The following ADAM12 variants were observed in gnomAD, a reference collection of about 807,000 sequenced individuals.
ADAM12 encodes the protein ADAM metallopeptidase domain 12.
ADAM12 carries 70 observed loss-of-function variants against 106.4 expected under a neutral mutation model. That is an observed-to-expected ratio of 0.66 (90% CI 0.54 to 0.80). The LOEUF is 0.80. Ranked by LOEUF, ADAM12 falls within the 30% of genes least tolerant of loss-of-function variation. ADAM12 has a pLI of 0.00. For synonymous variants in ADAM12, 420 were observed against 433.5 expected (o/e 0.97, Z 0.39); for missense variants, 1,010 against 1,171.9 (o/e 0.86, Z 2.02).
At chr10:126,079,947 G>C (rs920497930) in intron 11 of ADAM12, among the ~76,000 whole-genome samples, 9 of 152,162 alleles carry the variant, frequency 5.9e-5, no homozygotes, top group Non-Finnish European at 1.0e-4. Flanking sequence ...CTACTGATCT[G>C]ATTTTAGGCA....
At chr10:126,217,943 C>G (rs906477089) in intron 3 of ADAM12, among the ~76,000 whole-genome samples, 1 of 151,072 alleles carries the variant, frequency 6.6e-6, no homozygotes, top group Non-Finnish European at 1.5e-5. Flanking sequence ...TCACTGCACT[C>G]CAGCCTGGGT....
chr10:126,123,314 G>A (rs12267412), intron 5 of ADAM12, among the ~76,000 whole-genome samples: 5,663 of 152,278 alleles, frequency 0.037, 230 homozygotes, highest in East Asian at 0.15. Context: ...ATATTTAGTT[G>A]TAAACCTGAA....
intron 11 of ADAM12, among the ~76,000 whole-genome samples, chr10:126,080,211 C>T (rs927512670): frequency 3.3e-5 from 5 of 152,162 alleles, no homozygotes. Flanking sequence ...TTCCCCGGAG[C>T]ATCCATGAAA....
intron 3 of ADAM12, among the ~76,000 whole-genome samples, chr10:126,218,392 A>G (rs997852948): frequency 2.6e-5 from 4 of 152,226 alleles, no homozygotes; most frequent in Admixed American, 6.5e-5. Flanking sequence ...GGGGGAAACC[A>G]AGGCTTGTTC....
intron 21 of ADAM12, among the ~76,000 whole-genome samples, chr10:126,020,143 C>T (rs771496434): frequency 2.2e-4 from 33 of 152,112 alleles, no homozygotes; most frequent in Admixed American, 3.9e-4. Context: ...TTTAGTTAGG[C>T]GGCTTCTCTG....
chr10:126,150,269 G>A (rs187361166), intron 4 of ADAM12, among the ~76,000 whole-genome samples: 30 of 152,268 alleles, frequency 2.0e-4, no homozygotes, highest in Non-Finnish European at 3.4e-4. Context: ...TCTTAGGGAG[G>A]TAAAAGAGGA....
intron 2 of ADAM12, among the ~76,000 whole-genome samples, chr10:126,308,395 G>A (rs1960941163): frequency 6.6e-6 from 1 of 152,130 alleles, no homozygotes; most frequent in South Asian, 2.1e-4. Context: ...ATTTCACTCT[G>A]CCTTTCTCAC....
chr10:126,188,727 C>T (rs1024025433), intron 3 of ADAM12, among the ~76,000 whole-genome samples: 1 of 152,050 alleles, frequency 6.6e-6, no homozygotes, highest in Admixed American at 6.6e-5. Flanking sequence ...TTTTCAATTG[C>T]ATTTTAACTA....
chr10:126,223,685 T>A (rs926009433), intron 3 of ADAM12, among the ~76,000 whole-genome samples: 2 of 152,178 alleles, frequency 1.3e-5, no homozygotes, highest in African/African-American at 4.8e-5. Context: ...CGTGGGCCGA[T>A]GCCAGGCTCA....
intron 4 of ADAM12, among the ~76,000 whole-genome samples, chr10:126,149,338 C>T (rs1442777806): frequency 6.6e-6 from 1 of 152,196 alleles, no homozygotes; most frequent in Non-Finnish European, 1.5e-5. Flanking sequence ...CCAAACAGAC[C>T]TGGCAGTTGT....
At chr10:126,106,995 G>C (rs1015543204) in intron 8 of ADAM12, among the ~76,000 whole-genome samples, 2 of 152,140 alleles carry the variant, frequency 1.3e-5, no homozygotes, top group African/African-American at 4.8e-5. Flanking sequence ...AATCTTTGCA[G>C]CTTCATCTCC....
intron 3 of ADAM12, among the ~76,000 whole-genome samples, chr10:126,255,376 C>A (rs999800585): frequency 6.6e-6 from 1 of 152,070 alleles, no homozygotes; most frequent in African/African-American, 2.4e-5. Flanking sequence ...AGATGGTGTC[C>A]CGAGTCCAGC....
intron 3 of ADAM12, among the ~76,000 whole-genome samples, chr10:126,241,566 T>C (rs7899821): frequency 0.34 from 52,381 of 152,008 alleles, 9,746 homozygotes; most frequent in African/African-American, 0.49. Flanking sequence ...TGGGCCAATG[T>C]TCAATTTTCT....
chr10:126,253,339 G>A lies in ADAM12; in HGVS notation c.260+25576C>T, dbSNP rs541204431. Among the ~76,000 whole-genome samples the A allele has an allele frequency of 5.9e-5, 9 of 152,294 alleles. No homozygotes were observed. In the South Asian group the frequency reaches 8.3e-4, roughly 14 times the overall value. Reference sequence around the variant, plus strand: ...GCTTTTACAACTGGTCTTCATCAAAGGTTTTTCATCTGCTCGCCAATGTGG... The same window carrying A: ...GCTTTTACAACTGGTCTTCATCAAAAGTTTTTCATCTGCTCGCCAATGTGG... On this transcript the variant is annotated intron_variant, in intron 3 of 22. Coordinates refer to ENST00000448723, the MANE Select transcript of ADAM12 (RefSeq NM_001288973.2).
chr10:126,167,094 G>T (rs1171654311), intron 3 of ADAM12, among the ~76,000 whole-genome samples: 1 of 152,194 alleles, frequency 6.6e-6, no homozygotes, highest in Non-Finnish European at 1.5e-5. Flanking sequence ...GGCTGTAACA[G>T]TAGCAACAGC....
chr10:126,035,088 G>A (rs1357079641), intron 21 of ADAM12, among the ~76,000 whole-genome samples: 3 of 152,086 alleles, frequency 2.0e-5, no homozygotes, highest in African/African-American at 7.2e-5. Context: ...CTACTAGACA[G>A]CAACAAATTG....
At chr10:126,304,097 C>T (rs1261836524) in intron 2 of ADAM12, among the ~76,000 whole-genome samples, 1 of 152,080 alleles carries the variant, frequency 6.6e-6, no homozygotes. Flanking sequence ...GAGAAAGACA[C>T]TCAATCATTT....
At chr10:126,048,691 G>A (rs1206482088) in intron 16 of ADAM12, among the ~76,000 whole-genome samples, 2 of 150,382 alleles carry the variant, frequency 1.3e-5, no homozygotes, top group African/African-American at 4.9e-5. Flanking sequence ...GTATGGCAGA[G>A]CATGAAAATC....
chr10:126,379,316 A>G (rs1160864306), intron 1 of ADAM12, among the ~76,000 whole-genome samples: 3 of 152,258 alleles, frequency 2.0e-5, no homozygotes, highest in African/African-American at 7.2e-5. Context: ...AACAGACTGG[A>G]TAAAGAAAAT....
Sources: allele counts gnomAD v4.1 joint callset (sites outside exome capture counted in the v4.1 genomes callset), GRCh38; gene constraint gnomAD v4.1.1; transcripts MANE v1.5; gene names NCBI Gene and HGNC (gene_info 2026-07-23, HGNC 2026-07-21).